Variants in EVL observed in about 807,000 individuals in gnomAD.
EVL encodes the protein ena/VASP-like protein.
A neutral mutation model predicts 59.6 loss-of-function variants in EVL; 21 were observed. That is an observed-to-expected ratio of 0.35 (90% CI 0.25 to 0.51). EVL has a LOEUF of 0.51. Ranked by LOEUF, EVL falls within the 20% of genes least tolerant of loss-of-function variation. The pLI is 0.97. For missense variants in EVL, 462 were observed against 546.6 expected (o/e 0.85, Z 1.54); for synonymous variants, 198 against 203.5 (o/e 0.97, Z 0.23).
chr14:100,089,806 G>A (rs2062525154), intron 2 of EVL, among the ~76,000 whole-genome samples: 1 of 152,168 alleles, frequency 6.6e-6, no homozygotes, highest in African/African-American at 2.4e-5. Flanking sequence ...GGTGGCATGT[G>A]CCTGTAGTCC....
intron 1 of EVL, among the ~76,000 whole-genome samples, chr14:100,068,684 A>G (rs894427259): frequency 4.6e-5 from 7 of 152,166 alleles, no homozygotes; most frequent in Non-Finnish European, 1.0e-4. Context: ...CTGGTGGATC[A>G]CACATGGGCG....
rs200614591 is a variant in EVL, at chr14:100,124,197, C to CTT, written c.422+596_422+597insTT. Reference sequence around the variant, plus strand: ...GTCTGCCCTCTCAGCGATGGGTCCTCTGCCTCTTCTGTGTCGAGGGAGGTA... The same window carrying CTT: ...GTCTGCCCTCTCAGCGATGGGTCCTCTTTGCCTCTTCTGTGTCGAGGGAGGTA... On this transcript the variant is annotated intron_variant, in intron 4 of 13. Coordinates refer to ENST00000392920, the MANE Select transcript of EVL (RefSeq NM_016337.3). Among the ~76,000 whole-genome samples, 55 of 152,370 alleles carry CTT rather than the reference C, an allele frequency of 3.6e-4. 2 individuals are homozygous for CTT. Among genetic ancestry groups the CTT allele is most frequent in the African/African-American group, 1.3e-3 (54 of 41,590 alleles).
chr14:100,122,266 A>G (rs536798616), intron 3 of EVL, among the ~76,000 whole-genome samples: 2 of 152,296 alleles, frequency 1.3e-5, no homozygotes, highest in Admixed American at 6.5e-5. Context: ...GATTGAGTTT[A>G]AGAAAGAACG....
chr14:100,045,997 C>A lies in EVL; in HGVS notation c.6-38690C>A, dbSNP rs115441304. The stretch of plus-strand genomic sequence containing the variant: ...GAACAGCTCAGAGCAGAAATAAAAT[C>A]TTCAGAAGAGACCTGTTTGATTTGA... On this transcript the variant is annotated intron_variant, in intron 1 of 13. Coordinates refer to the EVL transcript ENST00000402714. 6.2e-3 allele frequency among the ~76,000 whole-genome samples: 950 copies of A among 152,260 alleles called. 11 individuals carry two copies. Among genetic ancestry groups the A allele is most frequent in the African/African-American group, 0.021 (859 of 41,546 alleles).
In EVL at chr14:100,109,882, A is replaced by G. The variant is rs1368567230; in HGVS notation, c.358+12224A>G. On this transcript the variant is annotated intron_variant, in intron 3 of 13. Coordinates refer to ENST00000392920, the MANE Select transcript of EVL (RefSeq NM_016337.3). The surrounding 1 kb of genome is among the most constrained non-coding windows in gnomAD (Gnocchi z 4.3). The stretch of plus-strand genomic sequence containing the variant: ...ACGTGAACTCGGATCTGGTTCCAGT[A>G]CCAGCTGTGCCAGGAGTGTGCCCTT... 7.9e-6 allele frequency: 3 copies of G among 379,376 alleles called. 1 individual carries two copies. Among genetic ancestry groups the G allele is most frequent in the South Asian group, 1.9e-5 (1 of 52,294 alleles). 23.5% of individuals were successfully genotyped at this position (379,376 alleles called of 1,614,324 possible).
At chr14:99,984,204 A>G (rs181326233) in intron 1 of EVL, among the ~76,000 whole-genome samples, 1 of 152,222 alleles carries the variant, frequency 6.6e-6, no homozygotes, top group African/African-American at 2.4e-5. Context: ...TTAATGCATT[A>G]CTGAGGTGTC....
At chr14:99,985,049 T>C (rs2060831422) in intron 1 of EVL, among the ~76,000 whole-genome samples, 2 of 152,182 alleles carry the variant, frequency 1.3e-5, no homozygotes, top group South Asian at 4.1e-4. Flanking sequence ...TTGTTATATC[T>C]CTTTAGGCTC....
chr14:100,132,491 G>A (rs772904076), intron 7 of EVL, among the ~76,000 whole-genome samples: 23 of 152,150 alleles, frequency 1.5e-4, no homozygotes, highest in Non-Finnish European at 3.1e-4. Context: ...TCTCTGCCTA[G>A]ACCAGTTTTG....
chr14:100,056,583 G>A (rs560113455), intron 1 of EVL, among the ~76,000 whole-genome samples: 1 of 152,226 alleles, frequency 6.6e-6, no homozygotes, highest in African/African-American at 2.4e-5. Flanking sequence ...TCTCAGAGAT[G>A]TTATAATTTC....
intron 1 of EVL, among the ~76,000 whole-genome samples, chr14:99,975,378 G>A (rs1488909097): frequency 6.6e-6 from 1 of 152,060 alleles, no homozygotes; most frequent in Non-Finnish European, 1.5e-5. Context: ...TGAATTTGTG[G>A]CTTCATGTCT....
intron 1 of EVL, among the ~76,000 whole-genome samples, chr14:100,068,202 G>GT (rs1339502964): frequency 1.3e-5 from 2 of 152,196 alleles, no homozygotes; most frequent in Admixed American, 1.3e-4. Flanking sequence ...AAATCTGAAG[G>GT]TTTTGGGGTG....
rs759076019 is a variant in EVL, at chr14:99,980,678, C to A, written c.5+8621C>A. Among the ~76,000 whole-genome samples, 8 of 152,304 alleles carry A rather than the reference C, an allele frequency of 5.3e-5. 1 individual carries two copies. The East Asian group carries it at 1.5e-3, about 29-fold the overall frequency. ...AACCCAGTGCTGCAAATTGCAGGTACGGGGCATTTCCTAAGGTGGCTTTTG... is the reference window on the plus strand; with the variant it reads ...AACCCAGTGCTGCAAATTGCAGGTAAGGGGCATTTCCTAAGGTGGCTTTTG... On this transcript the variant is annotated intron_variant, in intron 1 of 13. Coordinates refer to the EVL transcript ENST00000402714.
intron 3 of EVL, among the ~76,000 whole-genome samples, chr14:100,115,273 G>A (rs1010803005): frequency 3.3e-5 from 5 of 152,244 alleles, no homozygotes; most frequent in Non-Finnish European, 5.9e-5. Flanking sequence ...CCTGGAAGCT[G>A]GAGACTGGGT....
chr14:100,025,502 C>A (rs189184993), intron 1 of EVL, among the ~76,000 whole-genome samples: 2 of 152,312 alleles, frequency 1.3e-5, no homozygotes, highest in African/African-American at 4.8e-5. Context: ...ATGGGCACTC[C>A]CTTTCTTTTT....
At chr14:100,017,824 T>C (rs1011985571) in intron 1 of EVL, among the ~76,000 whole-genome samples, 2 of 152,220 alleles carry the variant, frequency 1.3e-5, no homozygotes, top group Non-Finnish European at 1.5e-5. Flanking sequence ...GACCACAGGA[T>C]TCCCCCAGAC....
At chr14:99,979,674 C>T (rs891539192) in intron 1 of EVL, among the ~76,000 whole-genome samples, 1 of 152,024 alleles carries the variant, frequency 6.6e-6, no homozygotes, top group East Asian at 1.9e-4. Flanking sequence ...TCCACACCAT[C>T]CTGGCTAATA....
chr14:100,005,766 A>G (rs1195993155), intron 1 of EVL, among the ~76,000 whole-genome samples: 3 of 152,016 alleles, frequency 2.0e-5, no homozygotes, highest in African/African-American at 7.3e-5. Flanking sequence ...AGCTGGCACA[A>G]ATTGCTACTA....
rs552333425 is a variant in EVL at position 100,071,787 on chromosome 14, G to A, written c.11+6276G>A. Reference sequence around the variant, plus strand: ...GCTCTGGGTCTGGGAGGAGGATGCAGGCGTCACTTGAACTAAACAGCTTTA... The same window carrying A: ...GCTCTGGGTCTGGGAGGAGGATGCAAGCGTCACTTGAACTAAACAGCTTTA... On this transcript the variant is annotated intron_variant, in intron 1 of 13. Coordinates refer to ENST00000392920, the MANE Select transcript of EVL (RefSeq NM_016337.3). Among the ~76,000 whole-genome samples, 8 of 152,278 alleles carry A rather than the reference G, an allele frequency of 5.3e-5. No individual in the cohort carries two copies. In the South Asian group the frequency reaches 1.7e-3, roughly 32 times the overall value.
chr14:99,992,739 A>T (rs891767147), intron 1 of EVL, among the ~76,000 whole-genome samples: 3 of 152,222 alleles, frequency 2.0e-5, no homozygotes, highest in Non-Finnish European at 4.4e-5. Flanking sequence ...TTGACCATAC[A>T]TGCAAATGGA....
Sources: allele counts gnomAD v4.1 joint callset (sites outside exome capture counted in the v4.1 genomes callset), GRCh38; gene constraint gnomAD v4.1.1; non-coding constraint Gnocchi (gnomAD v3.1); transcripts MANE v1.5; gene names NCBI Gene and HGNC (gene_info 2026-07-23, HGNC 2026-07-21).